RARB: variants seen among roughly 807,000 people sequenced by gnomAD.
RARB encodes HBV-activated protein.
RARB carries 17 observed loss-of-function variants against 51.9 expected under a neutral mutation model. The observed-to-expected ratio is 0.33, with a 90% CI of 0.22 to 0.49. RARB has a LOEUF of 0.49. RARB is among the 20% of genes least tolerant of loss of function. The pLI is 0.99. For synonymous variants in RARB, 215 were observed against 195.4 expected, an observed-to-expected ratio of 1.10 and a Z score of -0.84; for missense variants, 369 against 550.8, an observed-to-expected ratio of 0.67 and a Z score of 3.30.
At chr3:25,393,330 C>T (rs1042604172) in intron 5 of RARB, among the ~76,000 whole-genome samples, 1 of 151,678 alleles carries the variant, frequency 6.6e-6, no homozygotes, top group Non-Finnish European at 1.5e-5. Flanking sequence ...TGTCTATGTT[C>T]ATCAGGGATA....
At chr3:25,079,082 G>A (rs1698936476) in intron 3 of RARB, among the ~76,000 whole-genome samples, 1 of 151,568 alleles carries the variant, frequency 6.6e-6, no homozygotes, top group Non-Finnish European at 1.5e-5. Flanking sequence ...ATATTTTACA[G>A]TTTTCAGTGT....
chr3:25,013,611 C>T (rs1575118982), intron 2 of RARB, among the ~76,000 whole-genome samples: 17 of 152,088 alleles, frequency 1.1e-4, no homozygotes, highest in Middle Eastern at 3.4e-3. Flanking sequence ...CAGAGTCAGT[C>T]ATTATAGGAA....
intron 2 of RARB, among the ~76,000 whole-genome samples, chr3:24,919,628 T>C (rs1488238639): frequency 1.3e-5 from 2 of 152,256 alleles, no homozygotes; most frequent in African/African-American, 4.8e-5. Context: ...ATTAGTGAAT[T>C]GTTCTTTGCT....
intron 1 of RARB, among the ~76,000 whole-genome samples, chr3:25,436,308 A>G (rs1459851993): frequency 6.6e-6 from 1 of 152,220 alleles, no homozygotes; most frequent in Non-Finnish European, 1.5e-5. Flanking sequence ...TGTACAGAAC[A>G]CTAATTGTTA....
At position 25,304,185 on chromosome 3, in the gene RARB, A is replaced by G. The variant is rs535264486; in HGVS notation, c.178+129610A>G. 1.6e-4 allele frequency among the ~76,000 whole-genome samples: 25 copies of G among 152,308 alleles called. 1 individual carries two copies. In the South Asian group the frequency reaches 5.2e-3, roughly 32 times the overall value. On this transcript the variant is annotated intron_variant, in intron 5 of 11. Coordinates refer to the RARB transcript ENST00000383772. ...AAACAGAACTGTCTGGCAGATAGTC[A>G]AGGCCTTCCGAATCCCAGCTGTACT... is the stretch of plus-strand genomic sequence containing the variant.
intron 2 of RARB, among the ~76,000 whole-genome samples, chr3:24,874,607 A>G (rs1282318016): frequency 6.6e-6 from 1 of 152,062 alleles, no homozygotes; most frequent in Non-Finnish European, 1.5e-5. Context: ...ATATAGCTTT[A>G]TAGATCATTT....
At chr3:25,086,008 C>T (rs562691794) in intron 3 of RARB, among the ~76,000 whole-genome samples, 3 of 152,282 alleles carry the variant, frequency 2.0e-5, no homozygotes, top group East Asian at 3.9e-4. Context: ...ACTCAAGCTC[C>T]TTACATCTTA....
chr3:25,091,827 G>T (rs1699204581), intron 3 of RARB, among the ~76,000 whole-genome samples: 1 of 152,104 alleles, frequency 6.6e-6, no homozygotes, highest in Admixed American at 6.6e-5. Context: ...TCCCTCTGTG[G>T]TGCTGTGATC....
intron 2 of RARB, among the ~76,000 whole-genome samples, chr3:24,976,183 G>C (rs894030420): frequency 6.6e-6 from 1 of 152,248 alleles, no homozygotes; most frequent in South Asian, 2.1e-4. Context: ...TGGACATTTG[G>C]GTTGGTTCCA....
At chr3:25,098,730 A>G (rs552100056) in intron 3 of RARB, among the ~76,000 whole-genome samples, 17 of 152,310 alleles carry the variant, frequency 1.1e-4, no homozygotes, top group African/African-American at 3.8e-4. Flanking sequence ...ACAGCCTTAA[A>G]TATTTATAAT....
At chr3:25,089,835 T>G (rs1699165971) in intron 3 of RARB, among the ~76,000 whole-genome samples, 1 of 152,132 alleles carries the variant, frequency 6.6e-6, no homozygotes, top group East Asian at 1.9e-4. Flanking sequence ...TTTTCATAGA[T>G]TCTATTCCTA....
At chr3:25,347,361 G>T (rs527799961) in intron 5 of RARB, among the ~76,000 whole-genome samples, 1 of 152,166 alleles carries the variant, frequency 6.6e-6, no homozygotes, top group Non-Finnish European at 1.5e-5. Context: ...CCTATGACAA[G>T]GTAGAGCTGG....
At chr3:24,853,888 T>G (rs566484459) in intron 1 of RARB, among the ~76,000 whole-genome samples, 1 of 152,270 alleles carries the variant, frequency 6.6e-6, no homozygotes, top group East Asian at 1.9e-4. Context: ...CATCTTAAAG[T>G]GGACAGCTGC....
intron 1 of RARB, among the ~76,000 whole-genome samples, chr3:25,454,576 G>A (rs1224868386): frequency 1.3e-5 from 2 of 152,132 alleles, no homozygotes; most frequent in Non-Finnish European, 2.9e-5. Context: ...CTAGTAAAAA[G>A]GCTAGGCTTT....
chr3:25,207,920 C>A (rs1383146341), intron 5 of RARB, among the ~76,000 whole-genome samples: 4 of 152,008 alleles, frequency 2.6e-5, no homozygotes, highest in African/African-American at 9.7e-5. Context: ...GTGCTGGCAT[C>A]TGCTTGGGTT....
intron 5 of RARB, among the ~76,000 whole-genome samples, chr3:25,390,676 T>A (rs1706926064): frequency 1.3e-5 from 2 of 152,174 alleles, no homozygotes; most frequent in African/African-American, 4.8e-5. Flanking sequence ...ATTTATCAAG[T>A]TTGGGCTTCA....
At chr3:25,521,829 T>A (rs1698412682) in intron 3 of RARB, among the ~76,000 whole-genome samples, 1 of 152,116 alleles carries the variant, frequency 6.6e-6, no homozygotes, top group Non-Finnish European at 1.5e-5. Flanking sequence ...ATCCCTTTAA[T>A]TAGAGTCAGT....
intron 1 of RARB, among the ~76,000 whole-genome samples, chr3:24,853,000 A>C (rs1175280171): frequency 6.6e-6 from 1 of 152,130 alleles, no homozygotes; most frequent in Admixed American, 6.5e-5. Context: ...TATAAACTAT[A>C]TCTCAATAAT....
At chr3:24,881,279 C>A (rs1391066297) in intron 2 of RARB, among the ~76,000 whole-genome samples, 3 of 152,034 alleles carry the variant, frequency 2.0e-5, no homozygotes, top group Non-Finnish European at 4.4e-5. Context: ...CAGGTAGTAT[C>A]TTTATAGCAG....
Sources: gnomAD v4.1 joint callset for allele counts (sites outside exome capture counted in the v4.1 genomes callset) on GRCh38, gnomAD v4.1.1 for gene constraint, MANE v1.5 for transcripts, NCBI Gene and HGNC (gene_info 2026-07-23, HGNC 2026-07-21) for gene names.